The following MAF variants were observed in gnomAD, a reference collection of about 807,000 sequenced individuals.
MAF encodes the protein MAF bZIP transcription factor, also known as transcription factor Maf.
MAF carries 10 observed loss-of-function variants against 22.0 expected under a neutral mutation model. That is an observed-to-expected ratio of 0.45 (90% confidence interval 0.28 to 0.77). MAF has a LOEUF of 0.77. MAF is among the 30% of genes least tolerant of loss of function. The pLI, the probability that MAF is intolerant of heterozygous loss-of-function variation, is 0.12. For missense variants in MAF, 544 were observed against 548.4 expected (o/e 0.99, Z 0.08); for synonymous variants, 337 against 255.8 (o/e 1.32, Z -3.03).
chr16:79,447,905 A>AAAAAAAAG, the MAF span, among the ~76,000 whole-genome samples: 216 of 85,804 alleles, frequency 2.5e-3, 11 homozygotes, highest in Non-Finnish European at 3.4e-3. Context: ...AAAAAAAAAA[A>AAAAAAAAG]AAAAGAAAAG....
the MAF span, among the ~76,000 whole-genome samples, chr16:79,301,336 G>A: frequency 2.8e-4 from 42 of 151,876 alleles, no homozygotes; most frequent in Non-Finnish European, 5.4e-4. Context: ...TTCAAGCTGC[G>A]TTTGTGGATT....
At chr16:79,535,586 C>CTTTTTT in the MAF span, among the ~76,000 whole-genome samples, 17 of 130,568 alleles carry the variant, frequency 1.3e-4, 6 homozygotes, top group Non-Finnish European at 1.9e-4. Flanking sequence ...ATTGCTTCTT[C>CTTTTTT]TTTTTTTTTT....
the MAF span, among the ~76,000 whole-genome samples, chr16:79,450,981 A>G: frequency 6.6e-6 from 1 of 152,208 alleles, no homozygotes; most frequent in African/African-American, 2.4e-5. Context: ...GATGATGTCT[A>G]GAGTTAATTT....
chr16:79,408,980 C>A, the MAF span, among the ~76,000 whole-genome samples: 1 of 111,914 alleles, frequency 8.9e-6, no homozygotes, highest in African/African-American at 3.5e-5. Flanking sequence ...TAGGATTGCA[C>A]ATAGACCAGA....
At chr16:79,482,992 C>G in the MAF span, among the ~76,000 whole-genome samples, 1 of 47,690 alleles carries the variant, frequency 2.1e-5, no homozygotes, top group Admixed American at 2.0e-4. Flanking sequence ...CTCCCCTCCC[C>G]TCACTCCCTC....
chr16:79,562,391 T>C, the MAF span, among the ~76,000 whole-genome samples: 1 of 152,194 alleles, frequency 6.6e-6, no homozygotes, highest in Non-Finnish European at 1.5e-5. Flanking sequence ...AATGAATAAA[T>C]GGATGGAAGG....
At chr16:79,463,607 C>G in the MAF span, among the ~76,000 whole-genome samples, 1 of 152,086 alleles carries the variant, frequency 6.6e-6, no homozygotes, top group Admixed American at 6.6e-5. Flanking sequence ...AGTTTGGCAT[C>G]CAGTCTCTAG....
chr16:79,430,387 C>T, the MAF span, among the ~76,000 whole-genome samples: 7 of 152,212 alleles, frequency 4.6e-5, no homozygotes, highest in Non-Finnish European at 1.0e-4. Context: ...CAGGTGTCAA[C>T]ACCTCGGACG....
chr16:79,579,881 G>A, the MAF span, among the ~76,000 whole-genome samples: 1 of 152,110 alleles, frequency 6.6e-6, no homozygotes, highest in East Asian at 1.9e-4. Flanking sequence ...GTGACATGTT[G>A]AGTAAAGATA....
the MAF span, among the ~76,000 whole-genome samples, chr16:79,388,826 C>A: frequency 2.6e-5 from 4 of 152,286 alleles, no homozygotes; most frequent in East Asian, 7.7e-4. Context: ...GGTGGGAAAA[C>A]TGAGGCCCAG....
chr16:79,359,896 G>C, the MAF span, among the ~76,000 whole-genome samples: 1 of 152,186 alleles, frequency 6.6e-6, no homozygotes, highest in Non-Finnish European at 1.5e-5. Context: ...GCTTAACCTG[G>C]AGAAGAGAAG....
At chr16:79,486,376 C>CATTTT in the MAF span, among the ~76,000 whole-genome samples, 5 of 152,094 alleles carry the variant, frequency 3.3e-5, no homozygotes, top group Non-Finnish European at 4.4e-5. Flanking sequence ...TCGCCCTGGT[C>CATTTT]ATTTTATTTT....
the MAF span, among the ~76,000 whole-genome samples, chr16:79,373,380 TTTTTTTTTTTTTTTTTTTTTG>T: frequency 8.6e-6 from 1 of 116,812 alleles, no homozygotes; most frequent in Admixed American, 8.9e-5. Context: ...TTTTTTTTTT[TTTTTTTTTTTTTTTTTTTTTG>T]AGACACAGTC....
chr16:79,562,786 T>A, the MAF span, among the ~76,000 whole-genome samples: 1 of 152,170 alleles, frequency 6.6e-6, no homozygotes, highest in Admixed American at 6.5e-5. Flanking sequence ...AAGTGGAAGA[T>A]GAAGAGGAGA....
At chr16:79,595,871 T>A (rs530025824) in intron 1 of MAF, 71 of 1,058,472 alleles carry the variant, frequency 6.7e-5, no homozygotes, top group Middle Eastern at 4.2e-4. Flanking sequence ...AATATGGAAG[T>A]AAGGAGTGGA....
At chr16:79,347,612 G>A in the MAF span, among the ~76,000 whole-genome samples, 1 of 152,174 alleles carries the variant, frequency 6.6e-6, no homozygotes, top group African/African-American at 2.4e-5. Flanking sequence ...CAGGGGAGGT[G>A]TCAGAGAAAG....
At chr16:79,343,249 A>G in the MAF span, among the ~76,000 whole-genome samples, 3 of 148,586 alleles carry the variant, frequency 2.0e-5, no homozygotes, top group South Asian at 2.3e-4. Flanking sequence ...CCCCCCCCCA[A>G]AAAAATCTAT....
At chr16:79,328,113 T>A in the MAF span, among the ~76,000 whole-genome samples, 2 of 152,126 alleles carry the variant, frequency 1.3e-5, no homozygotes, top group East Asian at 3.8e-4. Context: ...GCAGCATGCA[T>A]TAAGAAAATC....
chr16:79,373,271 G>A, the MAF span, among the ~76,000 whole-genome samples: 2 of 145,328 alleles, frequency 1.4e-5, no homozygotes, highest in South Asian at 2.4e-4. Context: ...GGACCTTTAA[G>A]TGGTGATTGG....
Sources: gnomAD v4.1 joint callset for allele counts (sites outside exome capture counted in the v4.1 genomes callset) on GRCh38, gnomAD v4.1.1 for gene constraint, MANE v1.5 for transcripts, NCBI Gene and HGNC (gene_info 2026-07-23, HGNC 2026-07-21) for gene names.